SORCS1: variants seen among roughly 807,000 people sequenced by gnomAD.
SORCS1 encodes the protein sortilin related VPS10 domain containing receptor 1.
In SORCS1, 60 loss-of-function variants were observed where a neutral mutation model predicts 146.1. That is an observed-to-expected ratio of 0.41 (90% CI 0.33 to 0.51). The LOEUF (loss-of-function observed/expected upper bound fraction) is 0.51. SORCS1 is among the 20% of genes least tolerant of loss of function. The pLI is 0.21. For synonymous variants in SORCS1, 637 were observed against 584.0 expected (o/e 1.09, Z -1.31); for missense variants, 1,352 against 1,487.6 (o/e 0.91, Z 1.50).
intron 2 of SORCS1, among the ~76,000 whole-genome samples, chr10:106,918,876 G>A (rs184743207): frequency 4.1e-4 from 62 of 151,784 alleles, no homozygotes; most frequent in Middle Eastern, 3.4e-3. Context: ...TCATTCTGTT[G>A]CTCAGGCTGG....
chr10:106,787,869 C>G (rs1946126122), intron 3 of SORCS1, among the ~76,000 whole-genome samples: 2 of 152,144 alleles, frequency 1.3e-5, no homozygotes, highest in African/African-American at 4.8e-5. Flanking sequence ...CATTTTCAGA[C>G]CCAGGTTCAT....
intron 3 of SORCS1, among the ~76,000 whole-genome samples, chr10:106,824,137 C>G (rs1256390941): frequency 1.3e-5 from 2 of 151,198 alleles, no homozygotes; most frequent in Admixed American, 1.3e-4. Flanking sequence ...AATCCCATCT[C>G]TACCAAAAGT....
intron 17 of SORCS1, among the ~76,000 whole-genome samples, chr10:106,662,977 A>C (rs183066062): frequency 3.3e-5 from 5 of 152,332 alleles, no homozygotes; most frequent in South Asian, 2.1e-4. Context: ...AGACGTACCC[A>C]GTTGGCTGAG....
intron 17 of SORCS1, among the ~76,000 whole-genome samples, chr10:106,658,698 G>A (rs948192414): frequency 1.3e-5 from 2 of 152,082 alleles, no homozygotes; most frequent in Admixed American, 1.3e-4. Context: ...GGTGTGCAAT[G>A]ACAAAACAGC....
At chr10:107,166,062 G>A (rs1215010824), upstream of SORCS1, among the ~76,000 whole-genome samples, 1 of 152,100 alleles carries the variant, frequency 6.6e-6, no homozygotes, top group African/African-American at 2.4e-5. Flanking sequence ...AATGGTTTCA[G>A]ATTTCTTTGC....
chr10:107,087,395 C>A (rs1392731719), intron 1 of SORCS1, among the ~76,000 whole-genome samples: 1 of 152,062 alleles, frequency 6.6e-6, no homozygotes, highest in Non-Finnish European at 1.5e-5. Flanking sequence ...AACATGTTTT[C>A]ATTTAATAAA....
chr10:107,146,395 T>C (rs1356685159), intron 1 of SORCS1, among the ~76,000 whole-genome samples: 1 of 152,238 alleles, frequency 6.6e-6, no homozygotes, highest in African/African-American at 2.4e-5. Context: ...AATTAACTCC[T>C]AACGAATGAG....
intron 13 of SORCS1, 37 bp from the exon 14 acceptor site, chr10:106,675,193 A>G: frequency 6.8e-7 from 1 of 1,463,456 alleles, no homozygotes; most frequent in Non-Finnish European, 9.5e-7. Flanking sequence ...CAGATCTCCA[A>G]AGGAAAAAAA....
rs765237885 is a variant in SORCS1 at position 106,579,481 on chromosome 10, G to A, written c.3266-7C>T. On this transcript the variant is annotated splice_region_variant and splice_polypyrimidine_tract_variant and intron_variant, in intron 24 of 25. Coordinates refer to ENST00000263054, the MANE Select transcript of SORCS1 (RefSeq NM_052918.5). ...GTGAGGTCCACCAGGGGGGCTTGTG[G>A]GGGAAACAGAGCAGAGAAAAATGAG... 6.2e-7 allele frequency: 1 copy of A among 1,613,504 alleles called. No homozygotes were observed. The highest frequency in any genetic ancestry group is 1.1e-5 in the South Asian group (1 of 91,046).
At chr10:106,670,599 A>C (rs368084445) in intron 16 of SORCS1, among the ~76,000 whole-genome samples, 233 of 152,268 alleles carry the variant, frequency 1.5e-3, no homozygotes, top group African/African-American at 5.5e-3. Flanking sequence ...GATTCTAGAA[A>C]GCTTTCATCT....
At chr10:106,838,546 G>T (rs928017717) in intron 2 of SORCS1, among the ~76,000 whole-genome samples, 6 of 152,118 alleles carry the variant, frequency 3.9e-5, no homozygotes, top group African/African-American at 1.4e-4. Flanking sequence ...ACATCATAGA[G>T]AATAGTTTCA....
At chr10:106,833,756 C>T (rs1307332352) in intron 2 of SORCS1, among the ~76,000 whole-genome samples, 2 of 151,824 alleles carry the variant, frequency 1.3e-5, no homozygotes, top group Non-Finnish European at 2.9e-5. Flanking sequence ...GTTGGCACTG[C>T]ATCATGGAAG....
intron 3 of SORCS1, among the ~76,000 whole-genome samples, chr10:106,800,585 G>A (rs1045641486): frequency 2.8e-5 from 4 of 143,502 alleles, no homozygotes; most frequent in African/African-American, 5.2e-5. Flanking sequence ...GTAGTGGCGC[G>A]ATCTCGGCTC....
chr10:106,603,137 G>A (rs997895994), intron 23 of SORCS1, among the ~76,000 whole-genome samples: 2 of 152,064 alleles, frequency 1.3e-5, no homozygotes, highest in Admixed American at 6.5e-5. Flanking sequence ...AAACAATCAC[G>A]ATAGAGCATG....
intron 23 of SORCS1, among the ~76,000 whole-genome samples, chr10:106,602,132 C>T (rs926949138): frequency 6.6e-6 from 1 of 152,038 alleles, no homozygotes; most frequent in Admixed American, 6.5e-5. Flanking sequence ...ACACATAACC[C>T]AAATAAGTGG....
At position 106,910,561 on chromosome 10, in the gene SORCS1, A is replaced by C. The variant is rs188666812; in HGVS notation, c.626+45952T>G. 3.3e-5 allele frequency among the ~76,000 whole-genome samples: 5 copies of C among 152,296 alleles called. No homozygotes were observed. The East Asian group carries it at 9.7e-4, about 29-fold the overall frequency. Reference sequence around the variant, plus strand: ...GTAGTATCCAGACAGATCATTACCAATGATATAAGTTAATATAACCGTCGC... The same window carrying C: ...GTAGTATCCAGACAGATCATTACCACTGATATAAGTTAATATAACCGTCGC... On this transcript the variant is annotated intron_variant, in intron 2 of 25. Coordinates refer to ENST00000263054, the MANE Select transcript of SORCS1 (RefSeq NM_052918.5).
intron 1 of SORCS1, among the ~76,000 whole-genome samples, chr10:107,019,240 A>G (rs1296195872): frequency 1.3e-5 from 2 of 152,238 alleles, no homozygotes; most frequent in Admixed American, 1.3e-4. Flanking sequence ...TTGAAAAATC[A>G]GATGTCATAA....
chr10:106,884,676 C>G (rs921931331), intron 2 of SORCS1, among the ~76,000 whole-genome samples: 5 of 152,314 alleles, frequency 3.3e-5, no homozygotes, highest in African/African-American at 1.2e-4. Flanking sequence ...TGCGTGAACA[C>G]TTTCAATGCT....
chr10:106,921,532 C>T (rs546927802), intron 2 of SORCS1, among the ~76,000 whole-genome samples: 1 of 152,132 alleles, frequency 6.6e-6, no homozygotes, highest in Non-Finnish European at 1.5e-5. Flanking sequence ...GAGCGCAAAT[C>T]GTATTAAACA....
Sources: gnomAD v4.1 joint callset for allele counts (sites outside exome capture counted in the v4.1 genomes callset) on GRCh38, gnomAD v4.1.1 for gene constraint, MANE v1.5 for transcripts, NCBI Gene and HGNC (gene_info 2026-07-23, HGNC 2026-07-21) for gene names.